PRICKLE1: variants seen among roughly 807,000 people sequenced by gnomAD.
PRICKLE1 encodes prickle-like protein 1.
Under a neutral mutation model 70.2 loss-of-function variants are expected in PRICKLE1, and 14 were observed. The ratio of observed to expected loss-of-function variants is 0.20; its 90% CI spans 0.13 to 0.31. PRICKLE1 has a LOEUF of 0.31. Among genes scored for constraint, PRICKLE1 ranks in the 10% least tolerant of loss-of-function variants. The pLI is 1.00. For synonymous variants in PRICKLE1, 357 were observed against 379.9 expected (o/e 0.94, Z 0.70); for missense variants, 821 against 1,026.2 (o/e 0.80, Z 2.73).
chr12:42,524,782 T>C (rs988547780), intron 1 of PRICKLE1: 1 of 152,008 alleles, frequency 6.6e-6, no homozygotes. Context: ...AGAATATTTG[T>C]TTTTTTGGAA....
chr12:42,508,424 C>T (rs1258310685), intron 1 of PRICKLE1, among the ~76,000 whole-genome samples: 5 of 152,122 alleles, frequency 3.3e-5, no homozygotes, highest in Non-Finnish European at 7.4e-5. Context: ...AAAAAGAAGG[C>T]AAGTGGTAAT....
chr12:42,536,557 A>G (rs1402871114), intron 1 of PRICKLE1, among the ~76,000 whole-genome samples: 2 of 151,978 alleles, frequency 1.3e-5, no homozygotes, highest in Non-Finnish European at 2.9e-5. Context: ...ATGGTTTCCT[A>G]TATTCTTTTG....
chr12:42,557,268 GC>G (rs780200505), intron 1 of PRICKLE1, among the ~76,000 whole-genome samples: 5 of 152,284 alleles, frequency 3.3e-5, no homozygotes, highest in Admixed American at 6.5e-5. Context: ...TATCCTTTAA[GC>G]TTTTGTGGAC....
chr12:42,483,388 C>T (rs1259535027), intron 1 of PRICKLE1: 1 of 152,058 alleles, frequency 6.6e-6, no homozygotes, highest in African/African-American at 2.4e-5. Flanking sequence ...GCGGCCCGGA[C>T]AGCGGCCGAG....
intron 1 of PRICKLE1, among the ~76,000 whole-genome samples, chr12:42,529,553 A>G (rs1281766525): frequency 5.3e-5 from 8 of 152,214 alleles, no homozygotes; most frequent in Non-Finnish European, 1.0e-4. Context: ...AATCCTGCTT[A>G]CAGTTTTGCT....
chr12:42,472,340 C>G (rs1938356892), intron 2 of PRICKLE1, 45 bp downstream of exon 2: 3 of 1,610,430 alleles, frequency 1.9e-6, no homozygotes, highest in Non-Finnish European at 2.5e-6. Flanking sequence ...AGTCTGAACT[C>G]ACACTGAAAA....
chr12:42,584,368 T>C (rs1940953000), intron 1 of PRICKLE1: 1 of 152,226 alleles, frequency 6.6e-6, no homozygotes, highest in Admixed American at 6.5e-5. Context: ...CAATATGCTC[T>C]AAGATAACCT....
intron 1 of PRICKLE1, among the ~76,000 whole-genome samples, chr12:42,588,203 C>T (rs1235684101): frequency 1.3e-5 from 2 of 152,210 alleles, no homozygotes; most frequent in African/African-American, 4.8e-5. Flanking sequence ...CCAGTCTACA[C>T]CTTGGGCCTG....
At chr12:42,473,325 G>T (rs1025766205) in intron 1 of PRICKLE1, among the ~76,000 whole-genome samples, 2 of 152,164 alleles carry the variant, frequency 1.3e-5, no homozygotes, top group Non-Finnish European at 2.9e-5. Flanking sequence ...GCAGGCATTC[G>T]CTGAAAAGTT....
In PRICKLE1 at chr12:42,531,862, A is replaced by G. The variant is rs570592360; in HGVS notation, c.-49+57603T>C. 2.4e-3 allele frequency among the ~76,000 whole-genome samples: 373 copies of G among 152,336 alleles called. 2 individuals are homozygous for G. The highest frequency in any genetic ancestry group is 4.0e-3 in the Non-Finnish European group (274 of 68,036). ...TCATTTATTTATAACATTATTTCTC[A>G]TTTAAAAATTTTTGCCCAGGTATGG... On this transcript the variant is annotated intron_variant, in intron 1 of 7. Transcript: ENST00000345127.
intron 1 of PRICKLE1, among the ~76,000 whole-genome samples, chr12:42,520,400 C>T (rs555667866): frequency 4.9e-4 from 75 of 152,324 alleles, no homozygotes; most frequent in Non-Finnish European, 1.1e-3. Context: ...GAATATGACT[C>T]TCCCATTTAC....
intron 1 of PRICKLE1, among the ~76,000 whole-genome samples, chr12:42,553,365 A>C (rs1313680835): frequency 6.6e-6 from 1 of 151,700 alleles, no homozygotes; most frequent in Non-Finnish European, 1.5e-5. Flanking sequence ...AATGGCGTGA[A>C]CCGGGGAGGC....
chr12:42,468,783 C>A lies in PRICKLE1; in HGVS notation c.431G>T (p.Arg144Leu), dbSNP rs281865563. Residue 144 changes from arginine (R) to leucine (L), a missense_variant, in exon 5 of 8, where the codon CGT (arginine) becomes CTT (leucine). Transcript: ENST00000345127. ...NGGEVAVFAS[R>L]AGPGVCWHPS... ...GTGCCAGCACACACCAGGGCCCGCA[C>A]GGGAGGCGAACACTGCAACTTCACC... 6.2e-7 allele frequency: 1 copy of A among 1,614,126 alleles called. No homozygotes were observed. Among genetic ancestry groups the A allele is most frequent in the Non-Finnish European group, 8.5e-7 (1 of 1,180,022 alleles).
intron 3 of PRICKLE1, 94 bp downstream of exon 3, chr12:42,470,152 G>T: frequency 1.1e-6 from 1 of 908,862 alleles, no homozygotes; most frequent in Non-Finnish European, 1.8e-6. Flanking sequence ...GGGAGCCCTC[G>T]CCAGTGAGGA....
chr12:42,587,190 T>C lies in PRICKLE1; in HGVS notation c.-49+2275A>G, dbSNP rs916034501. Among the ~76,000 whole-genome samples the C allele has an allele frequency of 2.0e-5, 3 of 152,230 alleles. No individual in the cohort carries two copies. The East Asian group carries it at 5.8e-4, about 29-fold the overall frequency. On this transcript the variant is annotated intron_variant, in intron 1 of 7. Transcript: ENST00000345127. Reference sequence around the variant, plus strand: ...ATATCATTTTTCTTTTTAAAACCTATGAACCAACAGGCTCACTCGGTGATA... The same window carrying C: ...ATATCATTTTTCTTTTTAAAACCTACGAACCAACAGGCTCACTCGGTGATA...
chr12:42,485,643 TATC>T (rs1938974637), intron 1 of PRICKLE1: 1 of 152,188 alleles, frequency 6.6e-6, no homozygotes, highest in African/African-American at 2.4e-5. Context: ...AACTCTGAAA[TATC>T]ATATGATTAT....
chr12:42,491,475 C>T (rs900207846), intron 1 of PRICKLE1, among the ~76,000 whole-genome samples: 1 of 151,694 alleles, frequency 6.6e-6, no homozygotes, highest in Non-Finnish European at 1.5e-5. Flanking sequence ...ATCGCTTGAA[C>T]CTGGGAGGTG....
At chr12:42,551,689 C>T (rs1038931777) in intron 1 of PRICKLE1, among the ~76,000 whole-genome samples, 3 of 152,168 alleles carry the variant, frequency 2.0e-5, no homozygotes, top group African/African-American at 7.2e-5. Flanking sequence ...GGTTTCTTCT[C>T]CCTGTGTGTG....
At chr12:42,553,518 A>G (rs893429424) in intron 1 of PRICKLE1, among the ~76,000 whole-genome samples, 1 of 98,462 alleles carries the variant, frequency 1.0e-5, no homozygotes, top group Non-Finnish European at 1.9e-5. Context: ...TTGGCTCTAG[A>G]ATCAGGGGGT....
Sources: allele counts gnomAD v4.1 joint callset (sites outside exome capture counted in the v4.1 genomes callset), GRCh38; gene constraint gnomAD v4.1.1; transcripts MANE v1.5; gene names NCBI Gene and HGNC (gene_info 2026-07-23, HGNC 2026-07-21).